MIB1: variants seen among roughly 807,000 people sequenced by gnomAD.
The protein encoded by MIB1 is E3 ubiquitin-protein ligase MIB1.
A neutral mutation model predicts 124.5 loss-of-function variants in MIB1; 278 were observed. The observed-to-expected ratio is 2.23, with a 90% CI of 2.02 to 2.47. The LOEUF (loss-of-function observed/expected upper bound fraction) is 2.47, where lower values mean the gene tolerates loss of function less well. MIB1 is among the 30% of genes most tolerant of loss of function. The pLI, the probability that MIB1 is intolerant of heterozygous loss-of-function variation, is 0.00. For synonymous variants in MIB1, 446 were observed against 429.4 expected (o/e 1.04, Z -0.48); for missense variants, 957 against 1,254.4 (o/e 0.76, Z 3.58).
intron 3 of MIB1, 106 bp downstream of exon 3, chr18:21,768,858 G>A (rs1164505431): frequency 3.1e-6 from 3 of 968,780 alleles, no homozygotes; most frequent in Admixed American, 3.8e-5. Context: ...TTCCATGCCA[G>A]TAACAGTTTT....
At chr18:21,747,508 G>C (rs2040924637) in intron 1 of MIB1, among the ~76,000 whole-genome samples, 1 of 152,226 alleles carries the variant, frequency 6.6e-6, no homozygotes, top group Non-Finnish European at 1.5e-5. Context: ...TTGTCTACTT[G>C]AGATGCCCTG....
intron 7 of MIB1, among the ~76,000 whole-genome samples, chr18:21,791,778 T>C (rs1351601587): frequency 1.3e-5 from 2 of 152,152 alleles, no homozygotes; most frequent in African/African-American, 4.8e-5. Context: ...TATTTTTTGA[T>C]AGAGTGGTTA....
intron 1 of MIB1, among the ~76,000 whole-genome samples, chr18:21,711,257 A>G (rs1179946416): frequency 1.3e-5 from 2 of 152,120 alleles, no homozygotes; most frequent in African/African-American, 4.8e-5. Flanking sequence ...GATTTTCCAG[A>G]CCCCACATTT....
Position 21,741,543 on chromosome 18 carries a change from CGGCGGCGGCGGCAGCGGCGGA to C in MIB1, c.-39_-19del, listed in dbSNP as rs2040851381. 6 of 1,298,576 alleles carry C rather than the reference CGGCGGCGGCGGCAGCGGCGGA, an allele frequency of 4.6e-6. No individual in the cohort carries two copies. Among genetic ancestry groups the C allele is most frequent in the East Asian group, 3.2e-5 (1 of 31,362 alleles). 80.4% of individuals were successfully genotyped at this position (1,298,576 alleles called of 1,614,324 possible). The stretch of plus-strand genomic sequence containing the variant: ...ACGGGCCCCCCGGCGGCAGCGGCGG[CGGCGGCGGCGGCAGCGGCGGA>C]GCCCACCGCCCGGGCCCCGATGAGT... On this transcript the variant is annotated 5_prime_UTR_variant, in exon 1 of 21. Transcript: ENST00000261537. This position sits in a 1 kb window ranked among gnomAD's most constrained non-coding sequence, Gnocchi z 5.4.
At chr18:21,772,207 T>C (rs1044158081) in intron 3 of MIB1, among the ~76,000 whole-genome samples, 1 of 152,242 alleles carries the variant, frequency 6.6e-6, no homozygotes, top group African/African-American at 2.4e-5. Flanking sequence ...ATATATCTTA[T>C]TTAAAGTAAT....
At chr18:21,806,353 A>G (rs1290884808) in intron 10 of MIB1, among the ~76,000 whole-genome samples, 8 of 151,866 alleles carry the variant, frequency 5.3e-5, no homozygotes, top group Admixed American at 5.2e-4. Context: ...GGTGTGTGCC[A>G]TCATGCTTGG....
At chr18:21,823,374 C>T (rs1166000498) in intron 12 of MIB1, among the ~76,000 whole-genome samples, 5 of 150,642 alleles carry the variant, frequency 3.3e-5, no homozygotes, top group African/African-American at 1.2e-4. Context: ...GCACTACAGC[C>T]TGAGCAACAT....
rs755731272 is a variant in MIB1, at chr18:21,768,725, A to G, written c.504A>G (p.Gln168=). Residue 168 remains glutamine, a synonymous_variant, in exon 3 of 21, where the codon CAA becomes CAG. Transcript: ENST00000261537. ...VRGVDWQWED[Q]DGGNGRRGKV... Reference sequence around the variant, plus strand: ...GAGTGGACTGGCAGTGGGAAGATCAAGATGGAGGAAATGGACGTAGGGGAA... The same window carrying G: ...GAGTGGACTGGCAGTGGGAAGATCAGGATGGAGGAAATGGACGTAGGGGAA... The G allele has an allele frequency of 2.2e-5, 36 of 1,611,106 alleles. 1 individual carries two copies. The Middle Eastern group carries it at 1.5e-3, about 66-fold the overall frequency.
rs1033763531 is a variant in MIB1, at chr18:21,869,808, C to T, written c.*5142C>T. 1 of 152,008 alleles carries T rather than the reference C, an allele frequency of 6.6e-6. No individual in the cohort carries two copies. Among genetic ancestry groups the T allele is most frequent in the Admixed American group, 6.6e-5 (1 of 15,256 alleles). The allele number at this position is 152,008 out of a possible 1,614,324, so 9.4% of individuals were successfully genotyped here. ...CTCAAATGAGGGGAAAAAAAAAAGA[C>T]CCTTTGTTCAAATGGATTCTGTTGT... On this transcript the variant is annotated 3_prime_UTR_variant, in exon 21 of 21. Coordinates refer to ENST00000261537, the MANE Select transcript of MIB1 (RefSeq NM_020774.4).
In MIB1 at chr18:21,855,473, T is replaced by TAA. The variant is rs528559551; in HGVS notation, c.2666-1656_2666-1655insAA. 1.6e-4 allele frequency among the ~76,000 whole-genome samples: 25 copies of TAA among 152,380 alleles called. No homozygotes were observed. In the South Asian group the frequency reaches 5.0e-3, roughly 30 times the overall value. On this transcript the variant is annotated intron_variant, in intron 18 of 20. Coordinates refer to ENST00000261537, the MANE Select transcript of MIB1 (RefSeq NM_020774.4). ...TTAATTTTAGATAATTGTGTTTATGTATTATATATTTAGTCAATTAGTCCT... is the reference window on the plus strand; with the variant it reads ...TTAATTTTAGATAATTGTGTTTATGTAAATTATATATTTAGTCAATTAGTCCT...
intron 7 of MIB1, among the ~76,000 whole-genome samples, chr18:21,794,447 C>CTG (rs945788181): frequency 7.2e-6 from 1 of 138,048 alleles, no homozygotes; most frequent in Non-Finnish European, 1.6e-5. Context: ...AATAGCCTCT[C>CTG]TCTCTCTCTC....
chr18:21,745,442 C>T (rs978100384), intron 1 of MIB1, among the ~76,000 whole-genome samples: 7 of 152,256 alleles, frequency 4.6e-5, no homozygotes, highest in South Asian at 2.1e-4. Context: ...TGCCAGATGT[C>T]CCCTAGTGGG....
At chr18:21,804,152 A>G (rs951268055) in intron 10 of MIB1, 138 bp downstream of exon 10, 54 of 646,742 alleles carry the variant, frequency 8.3e-5, no homozygotes, top group Non-Finnish European at 1.3e-4. Flanking sequence ...AAAATCTGAC[A>G]GAGGCAACTT....
At chr18:21,815,054 T>TATATAA (rs2041816615) in intron 10 of MIB1, among the ~76,000 whole-genome samples, 1 of 112,616 alleles carries the variant, frequency 8.9e-6, no homozygotes, top group African/African-American at 3.3e-5. Context: ...TATATATATA[T>TATATAA]ATAAAATTAT....
chr18:21,841,457 G>A (rs2042088443), intron 13 of MIB1, among the ~76,000 whole-genome samples: 1 of 152,156 alleles, frequency 6.6e-6, no homozygotes, highest in African/African-American at 2.4e-5. Context: ...GAGATATACA[G>A]TTAGCAAATA....
intron 1 of MIB1, among the ~76,000 whole-genome samples, chr18:21,715,087 C>T (rs897066310): frequency 3.3e-5 from 5 of 152,246 alleles, no homozygotes; most frequent in Non-Finnish European, 7.4e-5. Flanking sequence ...ACCCATGAAC[C>T]CTCTGGAGAA....
chr18:21,837,495 GAGA>G (rs2042044742), intron 12 of MIB1, among the ~76,000 whole-genome samples: 2 of 152,202 alleles, frequency 1.3e-5, no homozygotes, highest in African/African-American at 4.8e-5. Flanking sequence ...TCGACAGAGC[GAGA>G]CTCCGTCTCA....
At chr18:21,853,393 T>C (rs1441469991) in intron 18 of MIB1, among the ~76,000 whole-genome samples, 175 bp downstream of exon 18, 5 of 152,246 alleles carry the variant, frequency 3.3e-5, no homozygotes, top group African/African-American at 1.2e-4. Context: ...TTTCCCTCCA[T>C]GCGTCTGAGC....
At chr18:21,733,444 A>G (rs898703188) in intron 1 of MIB1, among the ~76,000 whole-genome samples, 1 of 152,072 alleles carries the variant, frequency 6.6e-6, no homozygotes, top group Non-Finnish European at 1.5e-5. Context: ...ATTCTTTTAA[A>G]CAGACTGGAT....
Sources: gnomAD v4.1 joint callset for allele counts (sites outside exome capture counted in the v4.1 genomes callset) on GRCh38, gnomAD v4.1.1 for gene constraint, Gnocchi (gnomAD v3.1) non-coding constraint, MANE v1.5 for transcripts, NCBI Gene and HGNC (gene_info 2026-07-23, HGNC 2026-07-21) for gene names.